AHI1: variants seen among roughly 807,000 people sequenced by gnomAD.
AHI1 encodes Abelson helper integration site 1, also known as jouberin.
A neutral mutation model predicts 149.3 loss-of-function variants in AHI1; 123 were observed. The ratio of observed to expected loss-of-function variants is 0.82; its 90% CI spans 0.71 to 0.96. The LOEUF is 0.96. Ranked by LOEUF, AHI1 falls within the 40% of genes least tolerant of loss-of-function variation. The probability of loss-of-function intolerance (pLI) is 0.00; values close to 1 mark genes in which losing one functional copy is unlikely to be tolerated. For missense variants in AHI1, 1,439 were observed against 1,422.7 expected, an observed-to-expected ratio of 1.01 and a Z score of -0.18; for synonymous variants, 475 against 459.8, an observed-to-expected ratio of 1.03 and a Z score of -0.42.
chr6:135,403,078 G>A (rs1780250263), intron 22 of AHI1, among the ~76,000 whole-genome samples: 2 of 152,146 alleles, frequency 1.3e-5, no homozygotes, highest in Non-Finnish European at 2.9e-5. Context: ...GAAATGTTCA[G>A]ATTAGACAAA....
intron 21 of AHI1, 147 bp from the exon 22 acceptor site, chr6:135,405,124 T>A (rs1780573813): frequency 3.0e-6 from 2 of 658,918 alleles, no homozygotes; most frequent in Non-Finnish European, 5.1e-6. Context: ...TCACTCTGCA[T>A]TGTTTCCAAT....
chr6:135,380,744 C>CCCCAAAAAAAAAAAAAAAAA (rs1562623965), intron 23 of AHI1, among the ~76,000 whole-genome samples: 1 of 100,462 alleles, frequency 1.0e-5, no homozygotes, highest in Admixed American at 1.0e-4. Context: ...CCCCCCCCCC[C>CCCCAAAAAAAAAAAAAAAAA]AAAAAAAAAG....
At chr6:135,311,345 A>T (rs1294214928) in intron 26 of AHI1, among the ~76,000 whole-genome samples, 2 of 151,548 alleles carry the variant, frequency 1.3e-5, no homozygotes, top group African/African-American at 2.4e-5. Context: ...ATATTGAAAA[A>T]AGAAAAAGCA....
chr6:135,437,368 T>G (rs567952988), intron 15 of AHI1, among the ~76,000 whole-genome samples: 199 of 152,314 alleles, frequency 1.3e-3, no homozygotes, highest in African/African-American at 4.7e-3. Flanking sequence ...TGGCCTGGCA[T>G]TGGACAGAAT....
chr6:135,452,111 A>G (rs1788212484), intron 11 of AHI1, among the ~76,000 whole-genome samples: 1 of 152,220 alleles, frequency 6.6e-6, no homozygotes, highest in Non-Finnish European at 1.5e-5. Flanking sequence ...TATAGCACAT[A>G]ATAATGTAGG....
chr6:135,351,095 A>T (rs1792023688), intron 24 of AHI1, among the ~76,000 whole-genome samples: 1 of 151,866 alleles, frequency 6.6e-6, no homozygotes, highest in Admixed American at 6.6e-5. Context: ...AAGAGTCACA[A>T]TATGCAATAA....
intron 5 of AHI1, among the ~76,000 whole-genome samples, chr6:135,488,306 C>T (rs1238701800): frequency 1.3e-5 from 2 of 152,132 alleles, no homozygotes; most frequent in Non-Finnish European, 2.9e-5. Flanking sequence ...AAATATCTTT[C>T]TATGTCCTCA....
intron 23 of AHI1, among the ~76,000 whole-genome samples, chr6:135,363,699 C>A (rs550710363): frequency 2.7e-5 from 4 of 146,178 alleles, no homozygotes; most frequent in Admixed American, 2.0e-4. Flanking sequence ...ACCTCCCTCC[C>A]GGACGGGGCG....
rs528702116 is a variant in AHI1 at position 135,321,033 on chromosome 6, G to A, written c.3328+2129C>T. On this transcript the variant is annotated intron_variant, in intron 25 of 28. Transcript: ENST00000265602. Reference sequence around the variant, plus strand: ...GCCCTAAAATTTCTTCCTTTCATACGGCCTATGTTTTTTCCATTACACAAC... The same window carrying A: ...GCCCTAAAATTTCTTCCTTTCATACAGCCTATGTTTTTTCCATTACACAAC... 3.9e-5 allele frequency among the ~76,000 whole-genome samples: 6 copies of A among 152,122 alleles called. No individual in the cohort carries two copies. The South Asian group carries it at 1.0e-3, about 26-fold the overall frequency.
At chr6:135,287,298 G>C (rs529565461) in intron 28 of AHI1, among the ~76,000 whole-genome samples, 1 of 152,114 alleles carries the variant, frequency 6.6e-6, no homozygotes, top group Admixed American at 6.5e-5. Context: ...AATTCAACTC[G>C]AAAAATCTAA....
chr6:135,424,334 A>G (rs1444126770), intron 20 of AHI1, among the ~76,000 whole-genome samples: 1 of 152,034 alleles, frequency 6.6e-6, no homozygotes, highest in Non-Finnish European at 1.5e-5. Context: ...AATGCTATGT[A>G]AGTATTTACT....
chr6:135,481,721 A>T, intron 5 of AHI1, among the ~76,000 whole-genome samples: 1 of 143,954 alleles, frequency 6.9e-6, no homozygotes, highest in Non-Finnish European at 1.5e-5. Context: ...TTTTTTTAAC[A>T]CTTTTTTATA....
chr6:135,394,004 A>G (rs1778876074), intron 23 of AHI1, among the ~76,000 whole-genome samples: 1 of 152,092 alleles, frequency 6.6e-6, no homozygotes, highest in Non-Finnish European at 1.5e-5. Flanking sequence ...TCAAGGTAAA[A>G]AAGTGGTATA....
chr6:135,486,971 G>C (rs1191252797), intron 5 of AHI1, among the ~76,000 whole-genome samples: 1 of 151,924 alleles, frequency 6.6e-6, no homozygotes, highest in Admixed American at 6.6e-5. Context: ...TTATTATGTT[G>C]CCCAGGCTAG....
At chr6:135,350,531 G>A (rs543719809) in intron 24 of AHI1, among the ~76,000 whole-genome samples, 1 of 152,282 alleles carries the variant, frequency 6.6e-6, no homozygotes, top group East Asian at 1.9e-4. Context: ...CATAGTCCAT[G>A]CTGTTATGGA....
At chr6:135,456,061 T>C (rs528935105) in intron 9 of AHI1, 135 bp from the exon 10 acceptor site, 3 of 522,908 alleles carry the variant, frequency 5.7e-6, no homozygotes, top group African/African-American at 2.0e-5. Flanking sequence ...TTATTCTGAG[T>C]GTCCATCTAG....
chr6:135,482,894 C>CTTTTTTTGTTTTTTTTT (rs1793905606), intron 5 of AHI1, among the ~76,000 whole-genome samples: 1 of 55,734 alleles, frequency 1.8e-5, no homozygotes, highest in African/African-American at 9.3e-5. Context: ...CCATTTAAGG[C>CTTTTTTTGTTTTTTTTT]TTTTTTTTTT....
At chr6:135,311,899 C>T (rs940165070) in intron 26 of AHI1, among the ~76,000 whole-genome samples, 6 of 152,126 alleles carry the variant, frequency 3.9e-5, no homozygotes, top group African/African-American at 1.4e-4. Flanking sequence ...TAACTCATCT[C>T]GTCCCCTCCT....
intron 11 of AHI1, among the ~76,000 whole-genome samples, chr6:135,450,340 G>A (rs1787901761): frequency 6.6e-6 from 1 of 152,198 alleles, no homozygotes. Flanking sequence ...TTTAGTGGCA[G>A]AGGCAAAATT....
Sources: allele counts gnomAD v4.1 joint callset (sites outside exome capture counted in the v4.1 genomes callset), GRCh38; gene constraint gnomAD v4.1.1; transcripts MANE v1.5; gene names NCBI Gene and HGNC (gene_info 2026-07-23, HGNC 2026-07-21).